The following GRID2 variants were observed in gnomAD, a reference collection of about 807,000 sequenced individuals.
GRID2 encodes the protein glutamate ionotropic receptor delta type subunit 2.
In GRID2, 33 loss-of-function variants were observed where a neutral mutation model predicts 114.8. The ratio of observed to expected loss-of-function variants is 0.29; its 90% CI spans 0.22 to 0.38. The LOEUF (loss-of-function observed/expected upper bound fraction) is 0.38. Among genes scored for constraint, GRID2 ranks in the 10% least tolerant of loss-of-function variants. GRID2 has a pLI of 1.00. For missense variants in GRID2, 1,184 were observed against 1,257.7 expected (o/e 0.94, Z 0.89); for synonymous variants, 505 against 449.9 (o/e 1.12, Z -1.55).
At chr4:92,438,911 T>C (rs62312197) in intron 1 of GRID2, among the ~76,000 whole-genome samples, 21,506 of 152,208 alleles carry the variant, frequency 0.14, 1,839 homozygotes, top group South Asian at 0.21. Context: ...GTGAGATAGT[T>C]ACAGTATATC....
intron 2 of GRID2, among the ~76,000 whole-genome samples, chr4:93,076,650 C>T (rs1048975495): frequency 7.4e-6 from 1 of 135,570 alleles, no homozygotes; most frequent in Non-Finnish European, 1.5e-5. Flanking sequence ...CAGAGTCTCT[C>T]TCTGTCACCC....
intron 13 of GRID2, among the ~76,000 whole-genome samples, chr4:93,523,239 C>A (rs1730510009): frequency 6.6e-6 from 1 of 152,084 alleles, no homozygotes; most frequent in Admixed American, 6.6e-5. Flanking sequence ...GTACATTCTA[C>A]TTAGCAAAAT....
intron 1 of GRID2, among the ~76,000 whole-genome samples, chr4:92,470,531 C>T (rs532001135): frequency 6.6e-6 from 1 of 151,962 alleles, no homozygotes; most frequent in South Asian, 2.1e-4. Context: ...AAGTCCTCAT[C>T]CTTCTTTAAT....
chr4:93,121,612 C>G (rs1011692548), intron 4 of GRID2, among the ~76,000 whole-genome samples: 2 of 151,988 alleles, frequency 1.3e-5, no homozygotes, highest in Non-Finnish European at 2.9e-5. Flanking sequence ...CTATATACAT[C>G]TTTTTGGATA....
At chr4:92,655,536 C>G (rs890412882) in intron 2 of GRID2, among the ~76,000 whole-genome samples, 3 of 151,698 alleles carry the variant, frequency 2.0e-5, no homozygotes, top group Admixed American at 6.6e-5. Context: ...TTCTATGTGT[C>G]CTTTTTAATT....
chr4:92,505,377 C>T (rs1229288763), intron 1 of GRID2, among the ~76,000 whole-genome samples: 1 of 151,974 alleles, frequency 6.6e-6, no homozygotes, highest in African/African-American at 2.4e-5. Context: ...ATCAAGTGCT[C>T]CTAAATTATA....
intron 1 of GRID2, among the ~76,000 whole-genome samples, chr4:92,578,733 A>AATCAATCTATCTATCT (rs1553902724): frequency 2.7e-5 from 4 of 149,452 alleles, no homozygotes; most frequent in Middle Eastern, 3.4e-3. Context: ...TCTATCTATC[A>AATCAATCTATCTATCT]ATCTATCTAT....
chr4:92,928,002 C>T (rs960117334), intron 2 of GRID2, among the ~76,000 whole-genome samples: 4 of 151,766 alleles, frequency 2.6e-5, no homozygotes, highest in East Asian at 1.9e-4. Context: ...TACAGCATTT[C>T]AGATTTGGGT....
At chr4:92,724,033 A>G (rs1332831109) in intron 2 of GRID2, among the ~76,000 whole-genome samples, 1 of 152,184 alleles carries the variant, frequency 6.6e-6, no homozygotes, top group Non-Finnish European at 1.5e-5. Flanking sequence ...TTTTAGTCAG[A>G]TAGCAAAAAT....
intron 1 of GRID2, among the ~76,000 whole-genome samples, chr4:92,408,431 CTTTTTTTTTTTTTTTT>C (rs35638036): frequency 0.21 from 4,094 of 19,942 alleles, 207 homozygotes; most frequent in South Asian, 0.32. Flanking sequence ...TATTCAAGCT[CTTTTTTTTTTTTTTTT>C]TTTTTTTTTT....
At chr4:93,730,101 T>A (rs1017846916) in intron 14 of GRID2, among the ~76,000 whole-genome samples, 1 of 152,154 alleles carries the variant, frequency 6.6e-6, no homozygotes, top group African/African-American at 2.4e-5. Context: ...GCAGATATAT[T>A]TAGTAGACCA....
chr4:93,071,675 A>G (rs959936776), intron 2 of GRID2, among the ~76,000 whole-genome samples: 1 of 152,106 alleles, frequency 6.6e-6, no homozygotes, highest in African/African-American at 2.4e-5. Flanking sequence ...CAGGGTAACC[A>G]ATGAGTGAGC....
At chr4:93,559,793 A>C (rs1311619903) in intron 13 of GRID2, among the ~76,000 whole-genome samples, 1 of 152,178 alleles carries the variant, frequency 6.6e-6, no homozygotes, top group East Asian at 1.9e-4. Flanking sequence ...TGTTTATTGC[A>C]GCACTATTCA....
Position 92,328,964 on chromosome 4 carries a change from A to G in GRID2, c.88+24220A>G, listed in dbSNP as rs1444859757. ...AGAAGATTGGACTTGAAGCTGGAAT[A>G]AATTATTATTTCACATTATTTTTAA... is the stretch of plus-strand genomic sequence containing the variant. On this transcript the variant is annotated intron_variant, in intron 1 of 15. Coordinates refer to ENST00000282020, the MANE Select transcript of GRID2 (RefSeq NM_001510.4). Among the ~76,000 whole-genome samples, 3 of 152,060 alleles carry G rather than the reference A, an allele frequency of 2.0e-5. No homozygotes were observed. In the East Asian group the frequency reaches 5.8e-4, roughly 29 times the overall value.
intron 8 of GRID2, among the ~76,000 whole-genome samples, chr4:93,323,190 T>G (rs913943847): frequency 3.3e-5 from 5 of 152,188 alleles, no homozygotes; most frequent in Admixed American, 3.3e-4. Flanking sequence ...GTCTAACATT[T>G]AAGTCTTTGA....
chr4:92,942,092 G>A (rs1357553096), intron 2 of GRID2, among the ~76,000 whole-genome samples: 1 of 152,108 alleles, frequency 6.6e-6, no homozygotes, highest in Non-Finnish European at 1.5e-5. Flanking sequence ...GGTCTACTTG[G>A]TGCAGAGCTG....
At chr4:92,412,926 C>A (rs1731411539) in intron 1 of GRID2, among the ~76,000 whole-genome samples, 1 of 152,224 alleles carries the variant, frequency 6.6e-6, no homozygotes, top group African/African-American at 2.4e-5. Flanking sequence ...TTTCTACTGA[C>A]AGTCCAAGGG....
At chr4:93,299,174 C>T (rs568868738) in intron 8 of GRID2, among the ~76,000 whole-genome samples, 94 of 152,266 alleles carry the variant, frequency 6.2e-4, no homozygotes, top group African/African-American at 2.2e-3. Flanking sequence ...TTCAATCAGT[C>T]GTGGGCTATT....
chr4:92,736,777 C>G (rs1220829029), intron 2 of GRID2, among the ~76,000 whole-genome samples: 1 of 151,976 alleles, frequency 6.6e-6, no homozygotes, highest in Non-Finnish European at 1.5e-5. Context: ...TCTAACAGTC[C>G]CAAGTGGGCC....
Sources: gnomAD v4.1 joint callset for allele counts (sites outside exome capture counted in the v4.1 genomes callset) on GRCh38, gnomAD v4.1.1 for gene constraint, MANE v1.5 for transcripts, NCBI Gene and HGNC (gene_info 2026-07-23, HGNC 2026-07-21) for gene names.